CRIM1: variants seen among roughly 807,000 people sequenced by gnomAD.
CRIM1 encodes the protein cysteine-rich motor neuron 1 protein.
A neutral mutation model predicts 116.4 loss-of-function variants in CRIM1; 32 were observed. The observed-to-expected ratio is 0.27, with a 90% CI of 0.21 to 0.37. CRIM1 has a LOEUF of 0.37. Among genes scored for constraint, CRIM1 ranks in the 10% least tolerant of loss-of-function variants. CRIM1 has a pLI of 1.00. For missense variants in CRIM1, 1,331 were observed against 1,354.8 expected, an observed-to-expected ratio of 0.98 and a Z score of 0.28; for synonymous variants, 590 against 509.2, an observed-to-expected ratio of 1.16 and a Z score of -2.13.
At chr2:36,496,989 C>T (rs1278330840) in intron 7 of CRIM1, among the ~76,000 whole-genome samples, 2 of 152,178 alleles carry the variant, frequency 1.3e-5, no homozygotes, top group East Asian at 3.8e-4. Flanking sequence ...GATGGATTCT[C>T]TAAGCAAATC....
At chr2:36,439,136 C>G (rs1675572573) in intron 2 of CRIM1, among the ~76,000 whole-genome samples, 1 of 152,194 alleles carries the variant, frequency 6.6e-6, no homozygotes, top group Non-Finnish European at 1.5e-5. Context: ...AAGTGGTATT[C>G]TATCCAACAG....
rs1345657087 is a variant in CRIM1 at position 36,411,587 on chromosome 2, C to CATGTATATACATGT, written c.505+14802_505+14803insGTATATACATGTAT. 9.9e-5 allele frequency among the ~76,000 whole-genome samples: 15 copies of CATGTATATACATGT among 152,172 alleles called. No homozygotes were observed. In the East Asian group the frequency reaches 2.7e-3, roughly 27 times the overall value. On this transcript the variant is annotated intron_variant, in intron 2 of 16. Coordinates refer to ENST00000280527, the MANE Select transcript of CRIM1 (RefSeq NM_016441.3). Reference sequence around the variant, plus strand: ...TTATATAGCTACATGTATATAAGCACATATACATCCATGATGATATCATAG... The same window carrying CATGTATATACATGT: ...TTATATAGCTACATGTATATAAGCACATGTATATACATGTATATACATCCATGATGATATCATAG...
intron 4 of CRIM1, among the ~76,000 whole-genome samples, chr2:36,443,222 A>C (rs903354768): frequency 6.6e-6 from 1 of 152,192 alleles, no homozygotes; most frequent in East Asian, 1.9e-4. Flanking sequence ...GCTTTCTGGA[A>C]TAACAAACAC....
At chr2:36,359,752 G>A (rs1375489116) in intron 1 of CRIM1, among the ~76,000 whole-genome samples, 3 of 152,150 alleles carry the variant, frequency 2.0e-5, no homozygotes, top group Admixed American at 2.0e-4. Context: ...GTGGGGGCTG[G>A]GGGTGGTAAG....
intron 1 of CRIM1, among the ~76,000 whole-genome samples, chr2:36,373,486 C>G (rs1478519632): frequency 6.6e-6 from 1 of 152,212 alleles, no homozygotes; most frequent in Non-Finnish European, 1.5e-5. Context: ...GTTGCTTGAA[C>G]CAGCCTTTGA....
intron 2 of CRIM1, among the ~76,000 whole-genome samples, chr2:36,420,371 A>T (rs1445853400): frequency 2.6e-5 from 4 of 152,178 alleles, no homozygotes; most frequent in Non-Finnish European, 5.9e-5. Context: ...CTTGCCCAAG[A>T]TTTCACAGCA....
chr2:36,365,709 G>A (rs527308153), intron 1 of CRIM1, among the ~76,000 whole-genome samples: 2 of 151,652 alleles, frequency 1.3e-5, no homozygotes, highest in Non-Finnish European at 2.9e-5. Flanking sequence ...CCCATTTTAG[G>A]AGAACAGAAC....
chr2:36,402,982 A>G (rs1052238566), intron 2 of CRIM1, among the ~76,000 whole-genome samples: 7 of 152,178 alleles, frequency 4.6e-5, no homozygotes, highest in African/African-American at 9.7e-5. Context: ...TACATGCTCT[A>G]TGGTGTATAA....
intron 2 of CRIM1, 104 bp downstream of exon 2, chr2:36,396,891 A>G: frequency 4.0e-6 from 4 of 992,430 alleles, no homozygotes; most frequent in Non-Finnish European, 4.5e-6. Context: ...AAGTTTACAG[A>G]GAGTGGTAGT....
intron 5 of CRIM1, among the ~76,000 whole-genome samples, chr2:36,474,642 G>A (rs1678811665): frequency 1.3e-5 from 2 of 152,108 alleles, no homozygotes; most frequent in South Asian, 4.1e-4. Flanking sequence ...GATCACTTGA[G>A]GTCAGAGGAG....
intron 5 of CRIM1, among the ~76,000 whole-genome samples, chr2:36,466,316 G>A (rs1327351878): frequency 2.6e-5 from 4 of 152,076 alleles, no homozygotes; most frequent in Admixed American, 2.6e-4. Context: ...ATACAGGAAA[G>A]GGGAACAGAA....
intron 1 of CRIM1, chr2:36,369,359 G>A (rs754067992): frequency 1.3e-5 from 2 of 152,154 alleles, no homozygotes; most frequent in Non-Finnish European, 2.9e-5. Context: ...TGTCCTGAAA[G>A]CCATTGGAAA....
At chr2:36,482,957 C>A (rs577091317) in intron 7 of CRIM1, among the ~76,000 whole-genome samples, 1 of 152,090 alleles carries the variant, frequency 6.6e-6, no homozygotes, top group Admixed American at 6.5e-5. Context: ...GGGACATGAA[C>A]CTGGGGGCCC....
intron 2 of CRIM1, among the ~76,000 whole-genome samples, chr2:36,413,393 C>A (rs922730794): frequency 2.0e-5 from 3 of 152,118 alleles, no homozygotes; most frequent in Admixed American, 6.6e-5. Flanking sequence ...ACTTTTTTGG[C>A]ATAGTTACAA....
intron 2 of CRIM1, among the ~76,000 whole-genome samples, chr2:36,402,309 C>G (rs1367375570): frequency 1.3e-5 from 2 of 151,950 alleles, no homozygotes; most frequent in African/African-American, 4.8e-5. Context: ...ATCTCAAAGC[C>G]CAAAGGAGTT....
chr2:36,393,880 C>T (rs929071682), intron 1 of CRIM1, among the ~76,000 whole-genome samples: 7 of 152,176 alleles, frequency 4.6e-5, no homozygotes, highest in African/African-American at 1.7e-4. Flanking sequence ...AGCTACAAGC[C>T]ATGCCATGAA....
At chr2:36,380,883 T>A (rs1246478643) in intron 1 of CRIM1, among the ~76,000 whole-genome samples, 1 of 152,202 alleles carries the variant, frequency 6.6e-6, no homozygotes, top group Non-Finnish European at 1.5e-5. Context: ...TGTCATGTTC[T>A]CTTATTTTAA....
intron 5 of CRIM1, 45 bp downstream of exon 5, chr2:36,464,700 G>C (rs1677861600): frequency 1.3e-6 from 2 of 1,578,858 alleles, no homozygotes; most frequent in South Asian, 1.1e-5. Flanking sequence ...CATTTGTGCA[G>C]AGGAGGAGGA....
At chr2:36,405,443 G>C (rs1672712525) in intron 2 of CRIM1, among the ~76,000 whole-genome samples, 1 of 152,160 alleles carries the variant, frequency 6.6e-6, no homozygotes, top group Non-Finnish European at 1.5e-5. Context: ...TCCATGGGGA[G>C]CCTGGGTATC....
Sources: gnomAD v4.1 joint callset for allele counts (sites outside exome capture counted in the v4.1 genomes callset) on GRCh38, gnomAD v4.1.1 for gene constraint, MANE v1.5 for transcripts, NCBI Gene and HGNC (gene_info 2026-07-23, HGNC 2026-07-21) for gene names.